SCFD2: variants seen among roughly 807,000 people sequenced by gnomAD.
The protein encoded by SCFD2 is sec1 family domain-containing protein 2.
In SCFD2, 54 loss-of-function variants were observed where a neutral mutation model predicts 58.9. The ratio of observed to expected loss-of-function variants is 0.92; its 90% CI spans 0.74 to 1.15. SCFD2 has a LOEUF of 1.15. SCFD2 is among the 50% of genes most tolerant of loss of function. SCFD2 has a pLI of 0.00. For synonymous variants in SCFD2, 321 were observed against 335.9 expected (o/e 0.96, Z 0.49); for missense variants, 805 against 836.6 (o/e 0.96, Z 0.47).
chr4:53,020,743 C>A (rs1722330633), intron 5 of SCFD2, among the ~76,000 whole-genome samples: 1 of 152,242 alleles, frequency 6.6e-6, no homozygotes, highest in African/African-American at 2.4e-5. Context: ...TACACCACCG[C>A]CACACAGGGC....
chr4:53,145,651 C>A, intron 4 of SCFD2, 69 bp from the exon 5 acceptor site: 1 of 1,374,140 alleles, frequency 7.3e-7, no homozygotes, highest in South Asian at 1.3e-5. Flanking sequence ...TTACATTAGT[C>A]GAATGATAGC....
intron 4 of SCFD2, among the ~76,000 whole-genome samples, chr4:53,254,734 C>T (rs1279226217): frequency 6.6e-6 from 1 of 151,816 alleles, no homozygotes; most frequent in Non-Finnish European, 1.5e-5. Flanking sequence ...AGCCACTGGC[C>T]ATGGGGCTAC....
chr4:52,902,567 T>G (rs1182432808), intron 7 of SCFD2, among the ~76,000 whole-genome samples: 1 of 152,198 alleles, frequency 6.6e-6, no homozygotes, highest in Non-Finnish European at 1.5e-5. Flanking sequence ...CATACAAGGG[T>G]ATTCAAGGTG....
Position 53,265,348 on chromosome 4 carries a change from C to A in SCFD2, c.1311+8478G>T, listed in dbSNP as rs565981746. On this transcript the variant is annotated intron_variant, in intron 4 of 8. Transcript: ENST00000401642. ...TTTATTATTATTATTACCACTCACA[C>A]CAATACACCATGCCATTTTTTAAGA... 1.6e-3 allele frequency: 236 copies of A among 152,238 alleles called. 1 individual carries two copies. The highest frequency in any genetic ancestry group is 5.5e-3 in the African/African-American group (230 of 41,546). The allele number at this position is 152,238 out of a possible 1,614,324, so 9.4% of individuals were successfully genotyped here. A position where few individuals can be genotyped will look rare whatever the true frequency, so the allele number is the denominator to read the frequency against.
intron 7 of SCFD2, among the ~76,000 whole-genome samples, chr4:52,898,458 C>T (rs1045355403): frequency 1.9e-4 from 29 of 152,242 alleles, no homozygotes; most frequent in South Asian, 1.0e-3. Context: ...TGTAGCTGAG[C>T]GGTTTTGAGT....
intron 4 of SCFD2, among the ~76,000 whole-genome samples, chr4:53,212,231 C>G (rs1728635495): frequency 6.6e-6 from 1 of 151,942 alleles, no homozygotes; most frequent in South Asian, 2.1e-4. Flanking sequence ...CCTTTCCTAC[C>G]CCAAAGTCGG....
chr4:52,896,725 A>G (rs1004530703), intron 7 of SCFD2, among the ~76,000 whole-genome samples: 37 of 152,220 alleles, frequency 2.4e-4, no homozygotes, highest in Non-Finnish European at 4.0e-4. Flanking sequence ...GATGGGGATG[A>G]CATTGAATCT....
chr4:53,119,317 CAAA>C (rs59614870), intron 5 of SCFD2, among the ~76,000 whole-genome samples: 8 of 135,464 alleles, frequency 5.9e-5, no homozygotes, highest in Non-Finnish European at 6.3e-5. Flanking sequence ...GACTCCATCT[CAAA>C]AAAAAAAAAA....
chr4:53,197,484 C>T (rs1262338187), intron 4 of SCFD2, among the ~76,000 whole-genome samples: 2 of 152,032 alleles, frequency 1.3e-5, no homozygotes, highest in Non-Finnish European at 2.9e-5. Context: ...GGCATAATTA[C>T]AGAAATTATT....
intron 3 of SCFD2, among the ~76,000 whole-genome samples, chr4:53,302,880 G>C (rs1732364764): frequency 6.6e-6 from 1 of 152,162 alleles, no homozygotes; most frequent in African/African-American, 2.4e-5. Context: ...AATGGTGCTG[G>C]GAAAACTGGC....
At chr4:53,338,377 A>G (rs997628782) in intron 2 of SCFD2, among the ~76,000 whole-genome samples, 11 of 152,066 alleles carry the variant, frequency 7.2e-5, no homozygotes, top group Non-Finnish European at 1.5e-4. Context: ...AATACACTAA[A>G]TAAACCCCAA....
chr4:53,208,769 T>C (rs536080397), intron 4 of SCFD2, among the ~76,000 whole-genome samples: 2 of 152,348 alleles, frequency 1.3e-5, no homozygotes, highest in East Asian at 3.8e-4. Context: ...TTGTTAAAAG[T>C]ACGTCTCACA....
chr4:53,299,801 T>C (rs1456500863), intron 3 of SCFD2, among the ~76,000 whole-genome samples: 1 of 151,328 alleles, frequency 6.6e-6, no homozygotes, highest in African/African-American at 2.4e-5. Flanking sequence ...TTCAACATTC[T>C]TAAAGAAAAG....
chr4:52,915,171 T>C (rs1006474183), intron 6 of SCFD2, among the ~76,000 whole-genome samples: 1 of 152,166 alleles, frequency 6.6e-6, no homozygotes, highest in Non-Finnish European at 1.5e-5. Context: ...CTACAACATC[T>C]TGAATTTGGT....
At chr4:53,103,687 C>G (rs1193316163) in intron 5 of SCFD2, among the ~76,000 whole-genome samples, 1 of 144,876 alleles carries the variant, frequency 6.9e-6, no homozygotes, top group African/African-American at 2.5e-5. Flanking sequence ...AAGCAGGGTT[C>G]CCTGAAGAAA....
chr4:53,221,745 G>C (rs959485625), intron 4 of SCFD2, among the ~76,000 whole-genome samples: 11 of 152,350 alleles, frequency 7.2e-5, no homozygotes, highest in Non-Finnish European at 1.2e-4. Context: ...GAGACAAATT[G>C]CAAACTGGAA....
At chr4:52,990,277 T>C (rs1043583802) in intron 5 of SCFD2, among the ~76,000 whole-genome samples, 21 of 152,216 alleles carry the variant, frequency 1.4e-4, no homozygotes, top group African/African-American at 5.1e-4. Context: ...TGCTGCAAAA[T>C]ATATAAGGCT....
chr4:53,354,416 G>C (rs1423250908), intron 1 of SCFD2, among the ~76,000 whole-genome samples: 2 of 152,234 alleles, frequency 1.3e-5, no homozygotes, highest in African/African-American at 4.8e-5. Flanking sequence ...ACACTGGCCT[G>C]CCAGCGCCGC....
chr4:52,902,088 C>T (rs952565888), intron 7 of SCFD2, among the ~76,000 whole-genome samples: 5 of 152,206 alleles, frequency 3.3e-5, no homozygotes, highest in African/African-American at 4.8e-5. Flanking sequence ...ATTCCCCATA[C>T]GTGGAGACTG....
Sources: allele counts gnomAD v4.1 joint callset (sites outside exome capture counted in the v4.1 genomes callset), GRCh38; gene constraint gnomAD v4.1.1; transcripts MANE v1.5; gene names NCBI Gene and HGNC (gene_info 2026-07-23, HGNC 2026-07-21).